The following USP28 variants were observed in gnomAD, a reference collection of about 807,000 sequenced individuals.
USP28 encodes the protein ubiquitin carboxyl-terminal hydrolase 28.
Under a neutral mutation model 145.0 loss-of-function variants are expected in USP28, and 113 were observed. The ratio of observed to expected loss-of-function variants is 0.78; its 90% confidence interval spans 0.67 to 0.91. The LOEUF (loss-of-function observed/expected upper bound fraction) is 0.91. USP28 is among the 40% of genes least tolerant of loss of function. The pLI is 0.00. For missense variants in USP28, 1,201 were observed against 1,289.6 expected, an observed-to-expected ratio of 0.93 and a Z score of 1.05; for synonymous variants, 447 against 450.9, an observed-to-expected ratio of 0.99 and a Z score of 0.11.
At chr11:113,844,732 T>C (rs1321778589) in intron 3 of USP28, among the ~76,000 whole-genome samples, 1 of 151,866 alleles carries the variant, frequency 6.6e-6, no homozygotes, top group Non-Finnish European at 1.5e-5. Context: ...GGGACAGCTA[T>C]CAAAAAATAA....
At chr11:113,824,413 G>A (rs1219272892) in intron 11 of USP28, among the ~76,000 whole-genome samples, 3 of 151,954 alleles carry the variant, frequency 2.0e-5, no homozygotes, top group African/African-American at 4.8e-5. Flanking sequence ...CGCCTCCCGG[G>A]TTCAAGCAAT....
intron 10 of USP28, 131 bp from the exon 11 acceptor site, chr11:113,827,491 T>C: frequency 1.1e-6 from 1 of 882,250 alleles, no homozygotes. Context: ...AAACTCATAC[T>C]AGAACTTTTT....
In USP28 at chr11:113,829,192, C is replaced by G; in HGVS notation, c.1059+5G>C. The G allele has an allele frequency of 6.2e-7, 1 of 1,612,770 alleles. No individual in the cohort carries two copies. ...TGGCACAGCAAATAAAGATCTCCAA[C>G]GTACCTCTTGTCCATACTTCACCGA... On this transcript the variant is annotated splice_donor_5th_base_variant and intron_variant, in intron 10 of 24. Coordinates refer to ENST00000003302, the Ensembl canonical transcript of USP28.
At chr11:113,818,458 C>G (rs1173047317) in intron 12 of USP28, among the ~76,000 whole-genome samples, 2 of 152,160 alleles carry the variant, frequency 1.3e-5, no homozygotes. Context: ...TTTAAGTCAT[C>G]ATTTTACAAC....
chr11:113,834,064 A>C (rs527344856), intron 6 of USP28, among the ~76,000 whole-genome samples, 185 bp downstream of exon 6: 13 of 152,174 alleles, frequency 8.5e-5, no homozygotes, highest in African/African-American at 1.2e-4. Context: ...CTCCTACTTA[A>C]TTTTACATTT....
intron 3 of USP28, among the ~76,000 whole-genome samples, chr11:113,847,957 A>C (rs941007084): frequency 6.6e-6 from 1 of 152,308 alleles, no homozygotes; most frequent in East Asian, 1.9e-4. Context: ...TGCTATCTCA[A>C]CTTCCTCTCA....
chr11:113,832,019 A>C, intron 7 of USP28, 26 bp from the exon 8 acceptor site: 1 of 1,590,442 alleles, frequency 6.3e-7, no homozygotes. Context: ...AAATTGCATA[A>C]AAGTTAGATG....
intron 1 of USP28, among the ~76,000 whole-genome samples, chr11:113,865,611 C>T (rs1948175667): frequency 6.6e-6 from 1 of 152,144 alleles, no homozygotes; most frequent in South Asian, 2.1e-4. Flanking sequence ...ATCATGTCTT[C>T]AACAAATGGT....
chr11:113,874,373 C>G, intron 1 of USP28: 1 of 740,108 alleles, frequency 1.4e-6, no homozygotes, highest in South Asian at 2.0e-5. Flanking sequence ...TGCAGTGAGC[C>G]GACATCGCGC....
chr11:113,812,363 C>T, exon 16 of USP28: 3 of 1,614,122 alleles, frequency 1.9e-6, no homozygotes, highest in Non-Finnish European at 2.5e-6. Flanking sequence ...TCTCTTTCAA[C>T]TTCTTCCCAG....
intron 6 of USP28, 62 bp downstream of exon 6, chr11:113,834,187 T>C: frequency 7.6e-7 from 1 of 1,316,376 alleles, no homozygotes; most frequent in Non-Finnish European, 1.1e-6. Flanking sequence ...GGCAAAAATC[T>C]AGAAGCCTTA....
At chr11:113,830,075 C>T (rs1345461409) in intron 9 of USP28, among the ~76,000 whole-genome samples, 1 of 152,074 alleles carries the variant, frequency 6.6e-6, no homozygotes, top group Non-Finnish European at 1.5e-5. Flanking sequence ...TGCTACAGAA[C>T]AAACAACCCA....
intron 1 of USP28, among the ~76,000 whole-genome samples, chr11:113,870,906 G>A (rs1565523367): frequency 6.6e-6 from 1 of 152,186 alleles, no homozygotes; most frequent in Non-Finnish European, 1.5e-5. Context: ...GGAAGGTGGA[G>A]ACAACAGCTG....
At chr11:113,831,427 T>G (rs1433794938) in intron 8 of USP28, among the ~76,000 whole-genome samples, 1 of 152,176 alleles carries the variant, frequency 6.6e-6, no homozygotes, top group Middle Eastern at 3.2e-3. Context: ...TATTTTATAG[T>G]TACAATGCTT....
intron 2 of USP28, among the ~76,000 whole-genome samples, chr11:113,853,202 C>T (rs1398855898): frequency 3.4e-5 from 5 of 146,576 alleles, no homozygotes; most frequent in Non-Finnish European, 4.5e-5. Context: ...GTGGGAGGAT[C>T]GCTTGAGCCC....
chr11:113,848,405 G>A (rs986533378), intron 3 of USP28, among the ~76,000 whole-genome samples: 1 of 152,176 alleles, frequency 6.6e-6, no homozygotes, highest in Non-Finnish European at 1.5e-5. Context: ...GATAAAGACT[G>A]ACAAACAGCC....
At chr11:113,819,364 C>T (rs183315242) in intron 12 of USP28, among the ~76,000 whole-genome samples, 217 of 152,250 alleles carry the variant, frequency 1.4e-3, no homozygotes, top group African/African-American at 3.3e-3. Flanking sequence ...CCACCCACCT[C>T]AGCCTCCCAA....
intron 12 of USP28, among the ~76,000 whole-genome samples, chr11:113,819,404 T>A (rs777371742): frequency 2.2e-4 from 34 of 152,138 alleles, no homozygotes; most frequent in Admixed American, 5.9e-4. Flanking sequence ...TGAGCCACTG[T>A]GCCTGGCCAA....
In USP28 at chr11:113,872,691, G is replaced by A. The variant is rs533516575; in HGVS notation, c.57+2754C>T. On this transcript the variant is annotated intron_variant, in intron 1 of 24. Coordinates refer to ENST00000003302, the Ensembl canonical transcript of USP28. ...TAAGGCTTCAGCTGACATAAAGAATGTGTGATGTGAACCCTCAGTACAGCT... is the reference window on the plus strand; with the variant it reads ...TAAGGCTTCAGCTGACATAAAGAATATGTGATGTGAACCCTCAGTACAGCT... 3.3e-5 allele frequency among the ~76,000 whole-genome samples: 5 copies of A among 152,306 alleles called. No homozygotes were observed. The East Asian group carries it at 9.6e-4, about 29-fold the overall frequency.
Sources: allele counts gnomAD v4.1 joint callset (sites outside exome capture counted in the v4.1 genomes callset), GRCh38; gene constraint gnomAD v4.1.1; transcripts MANE v1.5; gene names NCBI Gene and HGNC (gene_info 2026-07-23, HGNC 2026-07-21).